The following KCNH7 variants were observed in gnomAD, a reference collection of about 807,000 sequenced individuals.
KCNH7 encodes voltage-gated inwardly rectifying potassium channel KCNH7.
Under a neutral mutation model 120.8 loss-of-function variants are expected in KCNH7, and 49 were observed. The ratio of observed to expected loss-of-function variants is 0.41; its 90% confidence interval spans 0.32 to 0.51. The LOEUF (loss-of-function observed/expected upper bound fraction) is 0.51. Among genes scored for constraint, KCNH7 ranks in the 20% least tolerant of loss-of-function variants. KCNH7 has a pLI of 0.38. For missense variants in KCNH7, 1,097 were observed against 1,446.6 expected (o/e 0.76, Z 3.92); for synonymous variants, 547 against 516.1 (o/e 1.06, Z -0.81).
intron 5 of KCNH7, among the ~76,000 whole-genome samples, chr2:162,508,919 G>C (rs1334101921): frequency 6.6e-6 from 1 of 151,516 alleles, no homozygotes; most frequent in African/African-American, 2.4e-5. Flanking sequence ...AGATTCAGTA[G>C]AAAGTCATGT....
chr2:162,511,261 T>C (rs1184583764), intron 5 of KCNH7, among the ~76,000 whole-genome samples: 1 of 151,670 alleles, frequency 6.6e-6, no homozygotes, highest in East Asian at 1.9e-4. Context: ...AATTTTCTAT[T>C]TGTTGAGAAA....
chr2:162,659,150 T>C (rs907263477), intron 2 of KCNH7, among the ~76,000 whole-genome samples: 1 of 152,158 alleles, frequency 6.6e-6, no homozygotes, highest in African/African-American at 2.4e-5. Flanking sequence ...CTATTGCTAG[T>C]TTGGTGAGAG....
chr2:162,553,542 G>C (rs1020335057), intron 2 of KCNH7, among the ~76,000 whole-genome samples: 2 of 152,046 alleles, frequency 1.3e-5, no homozygotes, highest in East Asian at 1.9e-4. Flanking sequence ...CCAGCTACTC[G>C]GGAGGCTGAG....
At chr2:162,472,171 C>T (rs541266207) in intron 6 of KCNH7, among the ~76,000 whole-genome samples, 15 of 152,188 alleles carry the variant, frequency 9.9e-5, no homozygotes, top group South Asian at 2.1e-4. Context: ...TCAGGACATA[C>T]GCATGGGCAA....
At chr2:162,428,195 A>T (rs1254254346) in intron 8 of KCNH7, among the ~76,000 whole-genome samples, 1 of 150,852 alleles carries the variant, frequency 6.6e-6, no homozygotes, top group African/African-American at 2.5e-5. Flanking sequence ...GATACATTTT[A>T]TTTTCATTTT....
chr2:162,779,948 G>A (rs1488542893), intron 2 of KCNH7, among the ~76,000 whole-genome samples: 1 of 152,120 alleles, frequency 6.6e-6, no homozygotes, highest in African/African-American at 2.4e-5. Context: ...TTCTCCCTTA[G>A]TCTGCTGCAA....
intron 6 of KCNH7, among the ~76,000 whole-genome samples, chr2:162,501,472 G>T (rs1182447697): frequency 6.6e-6 from 1 of 151,970 alleles, no homozygotes; most frequent in Non-Finnish European, 1.5e-5. Flanking sequence ...GTCTTTCTGT[G>T]GGCCTCAGAT....
intron 2 of KCNH7, among the ~76,000 whole-genome samples, chr2:162,561,769 T>A (rs1693076785): frequency 6.6e-6 from 1 of 152,200 alleles, no homozygotes. Flanking sequence ...CACGTATGTT[T>A]ACTGCAGCAT....
chr2:162,588,762 A>G (rs967234423), intron 2 of KCNH7, among the ~76,000 whole-genome samples: 6 of 152,038 alleles, frequency 3.9e-5, no homozygotes, highest in Non-Finnish European at 1.5e-5. Context: ...AGCTATTTGA[A>G]ACTATATAAT....
At chr2:162,466,428 C>T (rs1238358592) in intron 6 of KCNH7, among the ~76,000 whole-genome samples, 1 of 152,098 alleles carries the variant, frequency 6.6e-6, no homozygotes, top group South Asian at 2.1e-4. Context: ...CGGAGAAGTG[C>T]CAATCAAAGG....
At chr2:162,799,275 A>G (rs1418238559) in intron 2 of KCNH7, among the ~76,000 whole-genome samples, 1 of 151,958 alleles carries the variant, frequency 6.6e-6, no homozygotes, top group African/African-American at 2.4e-5. Context: ...TGGGGTCTGA[A>G]TGGTCCCTAT....
At chr2:162,725,561 T>A (rs551087253) in intron 2 of KCNH7, among the ~76,000 whole-genome samples, 1 of 152,320 alleles carries the variant, frequency 6.6e-6, no homozygotes, top group African/African-American at 2.4e-5. Context: ...ACTCAATCTC[T>A]TCTCACTATA....
intron 14 of KCNH7, among the ~76,000 whole-genome samples, chr2:162,376,528 C>A (rs1007196513): frequency 6.6e-6 from 1 of 152,042 alleles, no homozygotes; most frequent in Non-Finnish European, 1.5e-5. Flanking sequence ...CCACTCCCAG[C>A]TAATTTTTGT....
rs547936849 is a variant in KCNH7 at position 162,694,801 on chromosome 2, T to C, written c.307+141736A>G. 2.0e-3 allele frequency among the ~76,000 whole-genome samples: 310 copies of C among 152,054 alleles called. 2 individuals carry two copies. Among genetic ancestry groups the C allele is most frequent in the African/African-American group, 7.1e-3 (296 of 41,460 alleles). On this transcript the variant is annotated intron_variant, in intron 2 of 15. Transcript: ENST00000332142. ...CTCTGTTGGCCAGGCTGGAGTGCAG[T>C]GGCGTGATCTCGGGTCACTGAAACC...
At chr2:162,818,726 G>T (rs1685000772) in intron 2 of KCNH7, among the ~76,000 whole-genome samples, 1 of 152,224 alleles carries the variant, frequency 6.6e-6, no homozygotes, top group East Asian at 1.9e-4. Context: ...CCATGTTTAT[G>T]ATTATTTTAT....
intron 6 of KCNH7, among the ~76,000 whole-genome samples, chr2:162,451,096 A>T (rs16846709): frequency 0.02 from 3,115 of 152,150 alleles, 220 homozygotes; most frequent in Admixed American, 0.15. Context: ...TGAAGTCCAG[A>T]TACAATTGTT....
intron 2 of KCNH7, among the ~76,000 whole-genome samples, chr2:162,818,601 A>G (rs1312913108): frequency 6.6e-6 from 1 of 152,238 alleles, no homozygotes; most frequent in African/African-American, 2.4e-5. Context: ...AATGACTTTT[A>G]GTCTGCTATA....
intron 13 of KCNH7, among the ~76,000 whole-genome samples, chr2:162,382,016 T>C (rs1439582151): frequency 6.6e-6 from 1 of 152,106 alleles, no homozygotes; most frequent in Non-Finnish European, 1.5e-5. Flanking sequence ...TGTAGAAATC[T>C]TTCTTTCGAG....
intron 2 of KCNH7, among the ~76,000 whole-genome samples, chr2:162,701,727 G>A (rs1686507586): frequency 6.6e-6 from 1 of 152,062 alleles, no homozygotes. Flanking sequence ...TTCTATGTTG[G>A]GCTGGGCACA....
Sources: allele counts gnomAD v4.1 joint callset (sites outside exome capture counted in the v4.1 genomes callset), GRCh38; gene constraint gnomAD v4.1.1; transcripts MANE v1.5; gene names NCBI Gene and HGNC (gene_info 2026-07-23, HGNC 2026-07-21).